SCUBE1: variants seen among roughly 807,000 people sequenced by gnomAD.
SCUBE1 encodes signal peptide, CUB domain and EGF like domain containing 1.
In SCUBE1, 59 loss-of-function variants were observed where a neutral mutation model predicts 124.4. The observed-to-expected ratio is 0.47, with a 90% confidence interval of 0.38 to 0.59. SCUBE1 has a LOEUF of 0.59. SCUBE1 is among the 20% of genes least tolerant of loss of function. The pLI, the probability that SCUBE1 is intolerant of heterozygous loss-of-function variation, is 0.00. For missense variants in SCUBE1, 1,150 were observed against 1,371.2 expected (o/e 0.84, Z 2.55); for synonymous variants, 545 against 550.9 (o/e 0.99, Z 0.15).
At chr22:43,297,247 G>C (rs1925598077) in intron 3 of SCUBE1, among the ~76,000 whole-genome samples, 1 of 152,192 alleles carries the variant, frequency 6.6e-6, no homozygotes, top group Non-Finnish European at 1.5e-5. Flanking sequence ...TCCTCTTTGG[G>C]GTAGGCTGCA....
At chr22:43,296,522 G>A (rs1925565547) in intron 3 of SCUBE1, among the ~76,000 whole-genome samples, 1 of 152,222 alleles carries the variant, frequency 6.6e-6, no homozygotes, top group Non-Finnish European at 1.5e-5. Context: ...AGAGACAGGA[G>A]GTCCCCTGGG....
In SCUBE1 at chr22:43,211,226, C is replaced by T; in HGVS notation, c.2222-143G>A. ...AGGCTCCTCCCCACCGCCCCATGAC[C>T]TCCCACCACCCTCACTCCGCCATGG... On this transcript the variant is annotated intron_variant, in intron 17 of 21. Coordinates refer to ENST00000360835, the MANE Select transcript of SCUBE1 (RefSeq NM_173050.5). The surrounding 1 kb of genome is among the most constrained non-coding windows in gnomAD (Gnocchi z 4.5). The T allele has an allele frequency of 2.5e-6, 2 of 784,970 alleles. No individual in the cohort carries two copies. Among genetic ancestry groups the T allele is most frequent in the Non-Finnish European group, 2.0e-6 (1 of 492,962 alleles). 48.6% of individuals were successfully genotyped at this position (784,970 alleles called of 1,614,324 possible). A position where few individuals can be genotyped will look rare whatever the true frequency, so the allele number is the denominator to read the frequency against.
rs536178740 is a variant in SCUBE1, at chr22:43,314,947, T to C, written c.349+4990A>G. Among the ~76,000 whole-genome samples the C allele has an allele frequency of 3.1e-4, 47 of 152,332 alleles. 1 individual carries two copies. The highest frequency in any genetic ancestry group is 1.1e-3 in the African/African-American group (47 of 41,588). ...GTGGGATAGGGGCCTCCATCTGGACTCCTGTCCCAAGTCCCGCAAACGTCA... is the reference window on the plus strand; with the variant it reads ...GTGGGATAGGGGCCTCCATCTGGACCCCTGTCCCAAGTCCCGCAAACGTCA... On this transcript the variant is annotated intron_variant, in intron 3 of 21. Coordinates refer to ENST00000360835, the MANE Select transcript of SCUBE1 (RefSeq NM_173050.5).
chr22:43,317,526 G>C (rs979100495), intron 3 of SCUBE1, among the ~76,000 whole-genome samples: 5 of 152,130 alleles, frequency 3.3e-5, no homozygotes, highest in African/African-American at 9.7e-5. Flanking sequence ...ACCAACAAGG[G>C]CCTGAGACCC....
rs1922798107 is a variant in SCUBE1, at chr22:43,237,089, A to C, written c.844+1749T>G. On this transcript the variant is annotated intron_variant, in intron 7 of 21. Transcript: ENST00000360835. ...AAAGGGCCCCGACCGCTTGAAGAGC[A>C]AAGGAAATGTGGTGGGGTGGGGGGG... Among the ~76,000 whole-genome samples, 3 of 143,504 alleles carry C rather than the reference A, an allele frequency of 2.1e-5. No homozygotes were observed. The South Asian group carries it at 7.3e-4, about 35-fold the overall frequency. 94.1% of individuals were successfully genotyped at this position (143,504 alleles called of 152,430 possible).
At chr22:43,231,721 C>A (rs201848581) in intron 8 of SCUBE1, 32 bp downstream of exon 8, 1 of 1,547,998 alleles carries the variant, frequency 6.5e-7, no homozygotes, top group East Asian at 2.4e-5. Context: ...CCGCTGGGCC[C>A]GAGAGCCACC....
rs763345447 is a variant in SCUBE1, at chr22:43,255,676, G to T, written c.727+2543C>A. On this transcript the variant is annotated intron_variant, in intron 6 of 21. Transcript: ENST00000360835. The surrounding 1 kb of genome is among the most constrained non-coding windows in gnomAD (Gnocchi z 4.7). ...AGCCTCTCGGCGTGGCGCACGCAAAGCCAACACAACACGCCGGCCAGCTCG... is the reference window on the plus strand; with the variant it reads ...AGCCTCTCGGCGTGGCGCACGCAAATCCAACACAACACGCCGGCCAGCTCG... The T allele has an allele frequency of 9.6e-7, 1 of 1,041,354 alleles. No individual in the cohort carries two copies. The highest frequency in any genetic ancestry group is 1.4e-6 in the Non-Finnish European group (1 of 691,658). The allele number at this position is 1,041,354 out of a possible 1,614,324, so 64.5% of individuals were successfully genotyped here.
chr22:43,336,221 A>T (rs1001944849), intron 2 of SCUBE1, among the ~76,000 whole-genome samples: 1 of 152,034 alleles, frequency 6.6e-6, no homozygotes, highest in Non-Finnish European at 1.5e-5. Context: ...GCAAGTTACC[A>T]CCCAGATGTT....
chr22:43,245,883 C>T (rs1327223364), intron 6 of SCUBE1, among the ~76,000 whole-genome samples: 5 of 152,206 alleles, frequency 3.3e-5, no homozygotes, highest in East Asian at 1.9e-4. Flanking sequence ...TTCCAGGATG[C>T]GCTAGGAGTG....
chr22:43,284,376 T>C (rs1289650578), intron 4 of SCUBE1, among the ~76,000 whole-genome samples: 1 of 152,232 alleles, frequency 6.6e-6, no homozygotes, highest in South Asian at 2.1e-4. Context: ...TTTTGAACTC[T>C]AGGTGCTTAA....
rs3985926 is a variant in SCUBE1 at position 43,292,556 on chromosome 22, A to AACACACACACACACAC, written c.350-1392_350-1377dup. Among the ~76,000 whole-genome samples, 878 of 139,654 alleles carry AACACACACACACACAC rather than the reference A, an allele frequency of 6.3e-3. 12 individuals are homozygous for AACACACACACACACAC. Among genetic ancestry groups the AACACACACACACACAC allele is most frequent in the African/African-American group, 0.02 (748 of 36,750 alleles). 91.6% of individuals were successfully genotyped at this position (139,654 alleles called of 152,430 possible). On this transcript the variant is annotated intron_variant, in intron 3 of 21. Coordinates refer to ENST00000360835, the MANE Select transcript of SCUBE1 (RefSeq NM_173050.5). ...TGCTTCTAGCCAATCCCCGGTCCCT[A>AACACACACACACACAC]ACACACACACACACACACACACACA...
At chr22:43,260,699 G>A (rs910109203) in intron 5 of SCUBE1, among the ~76,000 whole-genome samples, 11 of 152,190 alleles carry the variant, frequency 7.2e-5, no homozygotes, top group African/African-American at 2.7e-4. Flanking sequence ...AAATCACATC[G>A]GGCTCTCCAT....
intron 1 of SCUBE1, 131 bp from the exon 2 acceptor site, chr22:43,339,366 G>A (rs866665604): frequency 1.2e-6 from 1 of 828,886 alleles, no homozygotes; most frequent in Admixed American, 2.7e-5. Flanking sequence ...AATAACAGCT[G>A]TCACAGGACA....
chr22:43,276,821 C>T (rs1279843056), intron 4 of SCUBE1, among the ~76,000 whole-genome samples: 2 of 152,200 alleles, frequency 1.3e-5, no homozygotes, highest in African/African-American at 4.8e-5. Flanking sequence ...ATGGTGTTTC[C>T]AGGGCCTCTG....
At chr22:43,240,141 G>C (rs1373822012) in intron 6 of SCUBE1, among the ~76,000 whole-genome samples, 2 of 152,148 alleles carry the variant, frequency 1.3e-5, no homozygotes, top group Non-Finnish European at 2.9e-5. Flanking sequence ...AGATTCTGCA[G>C]GGCTGAGGTG....
rs940646829 is a variant in SCUBE1, at chr22:43,343,122, G to A, written c.88+52C>T. On this transcript the variant is annotated intron_variant, in intron 1 of 21. Coordinates refer to ENST00000360835, the MANE Select transcript of SCUBE1 (RefSeq NM_173050.5). ...AAGAAGCCCTCCGGGACCGCGCCTCGGCCGCCCGAGCCCCCCGCGCCCGCC... is the reference window on the plus strand; with the variant it reads ...AAGAAGCCCTCCGGGACCGCGCCTCAGCCGCCCGAGCCCCCCGCGCCCGCC... The A allele has an allele frequency of 1.7e-5, 16 of 962,684 alleles. No homozygotes were observed. In the African/African-American group the frequency reaches 2.8e-4, roughly 17 times the overall value. The allele number at this position is 962,684 out of a possible 1,614,324, so 59.6% of individuals were successfully genotyped here.
intron 21 of SCUBE1, among the ~76,000 whole-genome samples, chr22:43,206,565 C>T (rs1246667726): frequency 6.6e-6 from 1 of 152,088 alleles, no homozygotes; most frequent in Non-Finnish European, 1.5e-5. Context: ...AAGGGTGTGC[C>T]CAGGTCAGGG....
intron 11 of SCUBE1, among the ~76,000 whole-genome samples, 176 bp downstream of exon 11, chr22:43,222,921 A>C (rs902904123): frequency 1.3e-5 from 2 of 152,208 alleles, no homozygotes; most frequent in Non-Finnish European, 1.5e-5. Flanking sequence ...GGGTTTACTG[A>C]GAAGGACAGC....
intron 4 of SCUBE1, among the ~76,000 whole-genome samples, chr22:43,269,550 A>G (rs1337748917): frequency 1.3e-5 from 2 of 152,130 alleles, no homozygotes; most frequent in Non-Finnish European, 1.5e-5. Context: ...TTCTGCATCC[A>G]TGTCCCTTAA....
Sources: gnomAD v4.1 joint callset for allele counts (sites outside exome capture counted in the v4.1 genomes callset) on GRCh38, gnomAD v4.1.1 for gene constraint, Gnocchi (gnomAD v3.1) non-coding constraint, MANE v1.5 for transcripts, NCBI Gene and HGNC (gene_info 2026-07-23, HGNC 2026-07-21) for gene names.